The following APP variants were observed in gnomAD, a reference collection of about 807,000 sequenced individuals.
APP encodes the protein amyloid-beta precursor protein.
APP carries 31 observed loss-of-function variants against 101.4 expected under a neutral mutation model. The ratio of observed to expected loss-of-function variants is 0.31; its 90% CI spans 0.23 to 0.41. The LOEUF (loss-of-function observed/expected upper bound fraction) is 0.41, where lower values mean the gene tolerates loss of function less well. APP is among the 10% of genes least tolerant of loss of function. APP has a pLI of 1.00. For synonymous variants in APP, 366 were observed against 364.4 expected, an observed-to-expected ratio of 1.00 and a Z score of -0.05; for missense variants, 839 against 1,003.7, an observed-to-expected ratio of 0.84 and a Z score of 2.22.
intron 6 of APP, among the ~76,000 whole-genome samples, chr21:26,008,503 G>A (rs757015768): frequency 3.9e-5 from 6 of 152,114 alleles, no homozygotes; most frequent in Non-Finnish European, 5.9e-5. Flanking sequence ...CTGGGAAACT[G>A]GCACTGTCTA....
rs763631084 is a variant in APP at position 25,970,108 on chromosome 21, C to A, written c.1458+4962G>T. Reference sequence around the variant, plus strand: ...TCAACAACAGTGATCTGATTTTTGACAGTAAAATATTTCTTCCTAATCCAG... The same window carrying A: ...TCAACAACAGTGATCTGATTTTTGAAAGTAAAATATTTCTTCCTAATCCAG... On this transcript the variant is annotated intron_variant, in intron 11 of 17. Transcript: ENST00000346798. Among the ~76,000 whole-genome samples, 296 of 152,014 alleles carry A rather than the reference C, an allele frequency of 1.9e-3. 1 individual carries two copies. The highest frequency in any genetic ancestry group is 3.6e-3 in the Non-Finnish European group (243 of 67,972).
intron 3 of APP, among the ~76,000 whole-genome samples, chr21:26,056,233 T>C (rs1267848870): frequency 6.6e-6 from 1 of 152,142 alleles, no homozygotes; most frequent in Admixed American, 6.5e-5. Context: ...AGACAGGGTC[T>C]AGATATGTTG....
intron 1 of APP, among the ~76,000 whole-genome samples, chr21:26,125,623 A>T (rs2062666398): frequency 6.6e-6 from 1 of 151,992 alleles, no homozygotes; most frequent in Admixed American, 6.6e-5. Context: ...GGCCAAGGTC[A>T]ACAGGCATTA....
intron 13 of APP, among the ~76,000 whole-genome samples, chr21:25,952,228 T>TCACACA (rs2041117828): frequency 1.0e-5 from 1 of 98,600 alleles, no homozygotes; most frequent in African/African-American, 4.5e-5. Context: ...ACACACACAT[T>TCACACA]AAGAGCACAT....
chr21:26,073,139 T>G (rs1013991344), intron 3 of APP, among the ~76,000 whole-genome samples: 1 of 152,194 alleles, frequency 6.6e-6, no homozygotes, highest in Non-Finnish European at 1.5e-5. Context: ...CTAGCAAGTA[T>G]GTGTTGTGTG....
intron 13 of APP, among the ~76,000 whole-genome samples, chr21:25,918,320 C>T (rs1205481541): frequency 2.0e-5 from 3 of 152,190 alleles, no homozygotes; most frequent in Non-Finnish European, 2.9e-5. Flanking sequence ...AAATGTGGCA[C>T]ATATACACCA....
chr21:25,928,141 G>A (rs1249583065), intron 13 of APP, among the ~76,000 whole-genome samples: 2 of 151,700 alleles, frequency 1.3e-5, no homozygotes, highest in Non-Finnish European at 2.9e-5. Context: ...TCAGGAGATC[G>A]ACACCATCCT....
At position 26,011,558 on chromosome 21, in the gene APP, G is replaced by C. The variant is rs537484398; in HGVS notation, c.865+10282C>G. 3.3e-5 allele frequency among the ~76,000 whole-genome samples: 5 copies of C among 152,146 alleles called. No individual in the cohort carries two copies. In the East Asian group the frequency reaches 7.7e-4, roughly 24 times the overall value. The stretch of plus-strand genomic sequence containing the variant: ...GCAGCTAAACATCCTACAATGCACA[G>C]GACAATCATCCGCAACAATTATCTG... On this transcript the variant is annotated intron_variant, in intron 6 of 17. Coordinates refer to ENST00000346798, the MANE Select transcript of APP (RefSeq NM_000484.4).
chr21:25,887,530 A>C (rs376338592), intron 17 of APP, among the ~76,000 whole-genome samples: 4,539 of 151,522 alleles, frequency 0.03, 115 homozygotes, highest in Middle Eastern at 0.065. Context: ...AAAAAAAAAA[A>C]AAAAAAAAAA....
At chr21:25,988,406 A>C (rs542634056) in intron 8 of APP, among the ~76,000 whole-genome samples, 11 of 152,178 alleles carry the variant, frequency 7.2e-5, no homozygotes, top group Non-Finnish European at 1.5e-4. Context: ...AAGATCTTTT[A>C]AGAGGAAAAG....
At chr21:25,921,625 G>A (rs1454199905) in intron 13 of APP, among the ~76,000 whole-genome samples, 1 of 133,278 alleles carries the variant, frequency 7.5e-6, no homozygotes, top group African/African-American at 2.8e-5. Flanking sequence ...AGAAAATCTA[G>A]AAGAAATGGA....
intron 3 of APP, among the ~76,000 whole-genome samples, chr21:26,076,794 T>C (rs1167665872): frequency 6.6e-6 from 1 of 152,166 alleles, no homozygotes; most frequent in East Asian, 1.9e-4. Flanking sequence ...CTGGGCGCAG[T>C]GGCTCACGCC....
At chr21:26,054,645 T>TTTTA (rs1555858915) in intron 3 of APP, among the ~76,000 whole-genome samples, 2 of 141,134 alleles carry the variant, frequency 1.4e-5, no homozygotes, top group African/African-American at 5.3e-5. Flanking sequence ...TTTTTTTTTT[T>TTTTA]AAGATAGACT....
rs368915192 is a variant in APP, at chr21:26,158,191, G to A, written c.57+12373C>T. On this transcript the variant is annotated intron_variant, in intron 1 of 17. Coordinates refer to ENST00000346798, the MANE Select transcript of APP (RefSeq NM_000484.4). Reference sequence around the variant, plus strand: ...TTGGATGTTTCTACCATAAAAATGAGAAAGCATTTCCTACCTCCTCCTCTG... The same window carrying A: ...TTGGATGTTTCTACCATAAAAATGAAAAAGCATTTCCTACCTCCTCCTCTG... 7 of 152,322 alleles carry A rather than the reference G, an allele frequency of 4.6e-5. No homozygotes were observed. The South Asian group carries it at 1.5e-3, about 32-fold the overall frequency. The allele number at this position is 152,322 out of a possible 1,614,324, so 9.4% of individuals were successfully genotyped here.
intron 3 of APP, among the ~76,000 whole-genome samples, chr21:26,088,360 C>T (rs1006156644): frequency 7.9e-5 from 12 of 152,148 alleles, no homozygotes; most frequent in Admixed American, 7.9e-4. Flanking sequence ...ATGATAAGTT[C>T]ACTTCTGAAA....
chr21:25,921,217 G>A (rs373283335), intron 13 of APP, among the ~76,000 whole-genome samples: 7 of 117,242 alleles, frequency 6.0e-5, no homozygotes, highest in East Asian at 2.5e-4. Flanking sequence ...TCTCTGGGAC[G>A]CATTCAAAGC....
At chr21:25,992,186 C>A (rs970421329) in intron 8 of APP, among the ~76,000 whole-genome samples, 9 of 152,238 alleles carry the variant, frequency 5.9e-5, no homozygotes, top group African/African-American at 2.2e-4. Flanking sequence ...AGTTCAAGAC[C>A]AGCCTGGCCA....
intron 6 of APP, among the ~76,000 whole-genome samples, chr21:26,013,231 C>G (rs1418711323): frequency 6.6e-6 from 1 of 151,710 alleles, no homozygotes; most frequent in Admixed American, 6.6e-5. Flanking sequence ...AGAGGAGACT[C>G]ACTTGAACCC....
chr21:26,005,375 C>T (rs2146702317), intron 6 of APP, among the ~76,000 whole-genome samples: 1 of 152,242 alleles, frequency 6.6e-6, no homozygotes, highest in African/African-American at 2.4e-5. Context: ...AATAGTGCCA[C>T]TGCACTCCAG....
Sources: gnomAD v4.1 joint callset for allele counts (sites outside exome capture counted in the v4.1 genomes callset) on GRCh38, gnomAD v4.1.1 for gene constraint, MANE v1.5 for transcripts, NCBI Gene and HGNC (gene_info 2026-07-23, HGNC 2026-07-21) for gene names.